Variants in CACNA1A observed in about 807,000 individuals in gnomAD.
CACNA1A encodes calcium voltage-gated channel subunit alpha1 A.
Under a neutral mutation model 262.4 loss-of-function variants are expected in CACNA1A, and 57 were observed. That is an observed-to-expected ratio of 0.22 (90% CI 0.18 to 0.27). The LOEUF (loss-of-function observed/expected upper bound fraction) is 0.27, where lower values mean the gene tolerates loss of function less well. Among genes scored for constraint, CACNA1A ranks in the 10% least tolerant of loss-of-function variants. CACNA1A has a pLI of 1.00. For synonymous variants in CACNA1A, 1,431 were observed against 1,419.3 expected (o/e 1.01, Z -0.18); for missense variants, 2,526 against 3,562.8 (o/e 0.71, Z 7.41).
chr19:13,388,548 CT>C (rs1175530497), intron 3 of CACNA1A, among the ~76,000 whole-genome samples: 4 of 152,102 alleles, frequency 2.6e-5, no homozygotes, highest in African/African-American at 7.2e-5. Context: ...GAGCCACCCC[CT>C]GGCGAGAAAA....
intron 3 of CACNA1A, among the ~76,000 whole-genome samples, chr19:13,405,466 A>G (rs2059987821): frequency 1.3e-5 from 2 of 152,062 alleles, no homozygotes; most frequent in African/African-American, 4.8e-5. Context: ...TCTGCCTCCT[A>G]AAGTGCTGGG....
chr19:13,473,995 A>G (rs1339594175), intron 1 of CACNA1A, among the ~76,000 whole-genome samples: 3 of 152,206 alleles, frequency 2.0e-5, no homozygotes, highest in Admixed American at 1.3e-4. Flanking sequence ...CGCCTTTTCC[A>G]TCACTGGTTC....
intron 10 of CACNA1A, among the ~76,000 whole-genome samples, chr19:13,327,466 C>T (rs1241590807): frequency 1.4e-5 from 2 of 144,926 alleles, no homozygotes; most frequent in Non-Finnish European, 3.0e-5. Flanking sequence ...TGCAGTGAGC[C>T]GAGATGGCAC....
chr19:13,489,788 CCT>C (rs1980534752), intron 1 of CACNA1A, among the ~76,000 whole-genome samples: 1 of 152,190 alleles, frequency 6.6e-6, no homozygotes, highest in Admixed American at 6.5e-5. Flanking sequence ...CACACCAGCC[CCT>C]GACTTCTCCT....
Position 13,275,834 on chromosome 19 carries a change from T to C in CACNA1A, c.3989+16A>G, listed in dbSNP as rs149764550. On this transcript the variant is annotated intron_variant, in intron 24 of 46. Transcript: ENST00000360228. ...GGGGGAAAAGAGGCAAGAGGAACCC[T>C]TGCGAGGAGACTTACGTGAAGGCAA... The C allele has an allele frequency of 3.3e-3, 5,086 of 1,564,522 alleles. 166 individuals are homozygous for C. In the African/African-American group the frequency reaches 0.059, roughly 18 times the overall value.
intron 36 of CACNA1A, among the ~76,000 whole-genome samples, chr19:13,227,861 T>G (rs2055519744): frequency 6.7e-6 from 1 of 149,356 alleles, no homozygotes. Flanking sequence ...GGAGGGAGAA[T>G]TCTCACTTTG....
At chr19:13,402,745 CAT>C (rs1280765021) in intron 3 of CACNA1A, among the ~76,000 whole-genome samples, 13 of 143,252 alleles carry the variant, frequency 9.1e-5, no homozygotes, top group Admixed American at 8.7e-4. Flanking sequence ...TATATATACA[CAT>C]ATATATACAC....
At chr19:13,282,164 G>T (rs1568490654) in intron 22 of CACNA1A, among the ~76,000 whole-genome samples, 1 of 152,222 alleles carries the variant, frequency 6.6e-6, no homozygotes, top group Non-Finnish European at 1.5e-5. Context: ...TCCCCAGGGG[G>T]GCCTGCCAGG....
chr19:13,286,812 G>C lies in CACNA1A; in HGVS notation c.3244C>G (p.His1082Asp). The change falls in exon 20 of 47, where the codon CAC (histidine) becomes GAC (aspartate). Residue 1082 changes from histidine to aspartate, a missense_variant. His to Asp is a moderately conservative substitution (Grantham distance 81). This residue lies in a region of CACNA1A where 765 missense variants were observed against 748.6 expected (regional missense o/e 1.02). Coordinates refer to ENST00000360228, the MANE Select transcript of CACNA1A (RefSeq NM_001127222.2). ...AGGCCGGCGTGGCCAAGGCTGCCGT[G>C]GGGAGCGGCCGACTCCGCGGTGGCC... ...KLATAESAAP[H>D]GSLGHAGLPQ... 1 of 1,613,536 alleles carries C rather than the reference G, an allele frequency of 6.2e-7. No individual in the cohort carries two copies. Among genetic ancestry groups the C allele is most frequent in the Non-Finnish European group, 8.5e-7 (1 of 1,179,758 alleles).
intron 1 of CACNA1A, among the ~76,000 whole-genome samples, chr19:13,469,747 C>A (rs1162410440): frequency 6.6e-6 from 1 of 151,624 alleles, no homozygotes; most frequent in Non-Finnish European, 1.5e-5. Context: ...GTGTGGGCCA[C>A]CGCGCCCGGC....
At position 13,257,497 on chromosome 19, in the gene CACNA1A, C is replaced by T. The variant is rs750865024; in HGVS notation, c.4443G>A (p.Gly1481=). The T allele has an allele frequency of 1.6e-5, 26 of 1,607,256 alleles. 1 individual carries two copies. In the South Asian group the frequency reaches 2.2e-4, roughly 14 times the overall value. The stretch of plus-strand genomic sequence containing the variant: ...AGAAAATGGACATCTCCATGCGGTA[C>T]CCGGGGCTGGGGCCCTGGTTCTCAA... The part of the protein sequence containing the change: ...ATFENQGPSP[G]YRMEMSIFYV... The change falls in exon 28 of 47, where the codon GGG becomes GGA. Residue 1481 remains glycine, a synonymous_variant. Coordinates refer to ENST00000360228, the MANE Select transcript of CACNA1A (RefSeq NM_001127222.2).
chr19:13,456,190 A>G (rs1205888437), intron 1 of CACNA1A, among the ~76,000 whole-genome samples: 1 of 152,034 alleles, frequency 6.6e-6, no homozygotes, highest in African/African-American at 2.4e-5. Context: ...AAATAAATAA[A>G]TAAAACATTA....
chr19:13,486,287 G>C (rs532038222), intron 1 of CACNA1A, among the ~76,000 whole-genome samples: 3 of 151,948 alleles, frequency 2.0e-5, no homozygotes, highest in Non-Finnish European at 4.4e-5. Context: ...TCTTGACCTG[G>C]GTAAAATGGG....
At chr19:13,304,659 C>CAAAAA (rs34159456) in intron 15 of CACNA1A, among the ~76,000 whole-genome samples, 6 of 103,444 alleles carry the variant, frequency 5.8e-5, no homozygotes, top group South Asian at 3.1e-4. Context: ...ATTTTTGTCT[C>CAAAAA]AAAAAAAAAA....
intron 2 of CACNA1A, 94 bp from the exon 3 acceptor site, chr19:13,453,109 C>T (rs1217612716): frequency 7.8e-7 from 1 of 1,280,924 alleles, no homozygotes; most frequent in South Asian, 1.3e-5. Context: ...TACCTATCAC[C>T]CTCTCACTTC....
chr19:13,485,354 C>T (rs1187194610), intron 1 of CACNA1A, among the ~76,000 whole-genome samples: 1 of 152,066 alleles, frequency 6.6e-6, no homozygotes, highest in East Asian at 1.9e-4. Flanking sequence ...ACAAAGCCCA[C>T]AAACTATAAA....
At chr19:13,502,643 C>A (rs964992637) in intron 1 of CACNA1A, among the ~76,000 whole-genome samples, 7 of 152,134 alleles carry the variant, frequency 4.6e-5, no homozygotes, top group Admixed American at 4.6e-4. Context: ...AAAAACACGG[C>A]AATGTAAATT....
In CACNA1A at chr19:13,207,102, C is replaced by CG. The variant is rs1399875630; in HGVS notation, c.*210dup. 2.3e-6 allele frequency: 1 copy of CG among 441,350 alleles called. No individual in the cohort carries two copies. Among genetic ancestry groups the CG allele is most frequent in the African/African-American group, 2.1e-5 (1 of 47,096 alleles). The allele number at this position is 441,350 out of a possible 1,614,324, so 27.3% of individuals were successfully genotyped here. ...GGGGGGATCGGGGCTGGTTGGGGGG[C>CG]GCCGTGGCTGCCCAGGAGGGTCTCT... On this transcript the variant is annotated 3_prime_UTR_variant, in exon 47 of 47. Coordinates refer to ENST00000360228, the MANE Select transcript of CACNA1A (RefSeq NM_001127222.2). This position sits in a 1 kb window ranked among gnomAD's most constrained non-coding sequence, Gnocchi z 5.7.
Position 13,209,321 on chromosome 19 carries a change from C to T in CACNA1A, c.6517G>A (p.Val2173Met). ...SERSLGRYTDVDTGLGTDLSM... is the reference protein window; with the variant it reads ...SERSLGRYTDMDTGLGTDLSM... ...CCACAGGGCTGCCCACCTGTGTCCA[C>T]ATCGGTGTAGCGGCCCAGGGAGCGC... is the stretch of plus-strand genomic sequence containing the variant. The change falls in exon 45 of 47, where the codon GTG (valine) becomes ATG (methionine). Residue 2173 changes from valine (V) to methionine (M), a missense_variant. Val to Met is a conservative substitution (Grantham distance 21, BLOSUM62 1). Transcript: ENST00000360228. The T allele has an allele frequency of 7.1e-7, 1 of 1,406,660 alleles. No individual in the cohort carries two copies. Among genetic ancestry groups the T allele is most frequent in the South Asian group, 1.7e-5 (1 of 60,418 alleles). 87.1% of individuals were successfully genotyped at this position (1,406,660 alleles called of 1,614,324 possible).
Sources: allele counts gnomAD v4.1 joint callset (sites outside exome capture counted in the v4.1 genomes callset), GRCh38; gene constraint gnomAD v4.1.1; regional missense constraint gnomAD v4.1.1; non-coding constraint Gnocchi (gnomAD v3.1); transcripts MANE v1.5; gene names NCBI Gene and HGNC (gene_info 2026-07-23, HGNC 2026-07-21).